The following CTNNA3 variants were observed in gnomAD, a reference collection of about 807,000 sequenced individuals.
The protein encoded by CTNNA3 is catenin alpha-3.
Under a neutral mutation model 95.7 loss-of-function variants are expected in CTNNA3, and 76 were observed. That is an observed-to-expected ratio of 0.79 (90% CI 0.66 to 0.96). The LOEUF (loss-of-function observed/expected upper bound fraction) is 0.96. CTNNA3 is among the 40% of genes least tolerant of loss of function. The pLI, the probability that CTNNA3 is intolerant of heterozygous loss-of-function variation, is 0.00. For missense variants in CTNNA3, 1,191 were observed against 1,089.8 expected, an observed-to-expected ratio of 1.09 and a Z score of -1.31; for synonymous variants, 431 against 374.4, an observed-to-expected ratio of 1.15 and a Z score of -1.74.
intron 2 of CTNNA3, among the ~76,000 whole-genome samples, chr10:67,624,815 T>G (rs533867120): frequency 1.4e-3 from 209 of 152,366 alleles, no homozygotes; most frequent in Non-Finnish European, 2.7e-3. Context: ...AAAATCAGTT[T>G]GTCTCTTTTT....
intron 5 of CTNNA3, among the ~76,000 whole-genome samples, chr10:67,350,564 G>GT (rs1457613778): frequency 1.1e-4 from 13 of 123,364 alleles, no homozygotes; most frequent in Admixed American, 2.5e-4. Context: ...CAAATGGTTA[G>GT]TAAAAAAAAA....
chr10:66,061,786 T>A (rs1375962220), intron 15 of CTNNA3, among the ~76,000 whole-genome samples: 1 of 152,132 alleles, frequency 6.6e-6, no homozygotes, highest in African/African-American at 2.4e-5. Context: ...CAAAATCGAA[T>A]ACAAATTTCA....
chr10:66,312,484 T>C (rs1804040246), intron 12 of CTNNA3, among the ~76,000 whole-genome samples: 1 of 151,938 alleles, frequency 6.6e-6, no homozygotes, highest in Non-Finnish European at 1.5e-5. Context: ...AGGGGGAGTA[T>C]ATATGAAGGC....
intron 11 of CTNNA3, among the ~76,000 whole-genome samples, chr10:66,415,430 G>A (rs1169393492): frequency 6.6e-6 from 1 of 152,064 alleles, no homozygotes; most frequent in Non-Finnish European, 1.5e-5. Flanking sequence ...GGGACCTAGA[G>A]GGTTGTCACA....
At chr10:66,952,121 C>T (rs998175269) in intron 7 of CTNNA3, among the ~76,000 whole-genome samples, 14 of 152,264 alleles carry the variant, frequency 9.2e-5, no homozygotes, top group African/African-American at 3.1e-4. Context: ...TATTTTTAAG[C>T]ATAAGACAGG....
intron 10 of CTNNA3, among the ~76,000 whole-genome samples, chr10:66,546,442 A>T (rs1842037764): frequency 6.6e-6 from 1 of 152,250 alleles, no homozygotes. Flanking sequence ...TTGATTCAGT[A>T]CAACATGGTT....
In CTNNA3 at chr10:67,607,117, C is replaced by T. The variant is rs551968053; in HGVS notation, c.100-68G>A. 1,548 of 1,254,466 alleles carry T rather than the reference C, an allele frequency of 1.2e-3. 3 individuals carry two copies. Among genetic ancestry groups the T allele is most frequent in the Non-Finnish European group, 1.6e-3 (1,439 of 896,976 alleles). The allele number at this position is 1,254,466 out of a possible 1,614,324, so 77.7% of individuals were successfully genotyped here. On this transcript the variant is annotated intron_variant, in intron 2 of 17. Coordinates refer to ENST00000433211, the MANE Select transcript of CTNNA3 (RefSeq NM_013266.4). ...AGGAGAACACAGTCCTGGGATATTA[C>T]AGACCAGAACAAAAGACAGTACAGT...
intron 10 of CTNNA3, among the ~76,000 whole-genome samples, chr10:66,595,189 C>T (rs771923385): frequency 1.6e-4 from 24 of 152,088 alleles, no homozygotes; most frequent in East Asian, 5.8e-4. Flanking sequence ...CAAGAATAGA[C>T]GCATTAAAAA....
At chr10:67,439,969 G>C (rs571388537) in intron 5 of CTNNA3, among the ~76,000 whole-genome samples, 1 of 152,232 alleles carries the variant, frequency 6.6e-6, no homozygotes, top group South Asian at 2.1e-4. Context: ...AACGTAAAGG[G>C]GGCTTTTTCT....
At chr10:66,120,974 G>T (rs542290087) in intron 13 of CTNNA3, among the ~76,000 whole-genome samples, 1 of 152,124 alleles carries the variant, frequency 6.6e-6, no homozygotes, top group Non-Finnish European at 1.5e-5. Flanking sequence ...ACCCAGGTGC[G>T]AAGGCCAATG....
chr10:67,635,465 T>G (rs1462744712), intron 2 of CTNNA3, among the ~76,000 whole-genome samples: 1 of 152,146 alleles, frequency 6.6e-6, no homozygotes, highest in Non-Finnish European at 1.5e-5. Flanking sequence ...AAAAAAATTA[T>G]CCACCATGAT....
At chr10:66,633,291 T>TA (rs534928545) in intron 9 of CTNNA3, among the ~76,000 whole-genome samples, 4 of 151,958 alleles carry the variant, frequency 2.6e-5, no homozygotes, top group East Asian at 1.9e-4. Flanking sequence ...TATGATTCTG[T>TA]AAAAAAAATA....
At chr10:67,563,076 A>G (rs549363524) in intron 3 of CTNNA3, among the ~76,000 whole-genome samples, 2,033 of 152,200 alleles carry the variant, frequency 0.013, 21 homozygotes, top group African/African-American at 0.046. Context: ...AAGGTAATTT[A>G]TAGATTCAAT....
At chr10:66,901,350 C>T (rs558234444) in intron 7 of CTNNA3, among the ~76,000 whole-genome samples, 1 of 152,312 alleles carries the variant, frequency 6.6e-6, no homozygotes, top group Admixed American at 6.5e-5. Flanking sequence ...ACCACCAGGT[C>T]TGCCTTACAA....
chr10:67,227,673 A>C (rs1864989851), intron 5 of CTNNA3, among the ~76,000 whole-genome samples: 1 of 152,218 alleles, frequency 6.6e-6, no homozygotes, highest in Non-Finnish European at 1.5e-5. Flanking sequence ...AATTGATTTA[A>C]ATTATACCTT....
At chr10:66,037,650 C>T (rs1329804734) in intron 15 of CTNNA3, among the ~76,000 whole-genome samples, 3 of 133,012 alleles carry the variant, frequency 2.3e-5, no homozygotes, top group Non-Finnish European at 3.2e-5. Flanking sequence ...GATACATTCT[C>T]ATAGCAAAGT....
chr10:67,264,096 A>T (rs1866722859), intron 5 of CTNNA3, among the ~76,000 whole-genome samples: 1 of 152,178 alleles, frequency 6.6e-6, no homozygotes, highest in Non-Finnish European at 1.5e-5. Flanking sequence ...AAATATCAAA[A>T]ATGAATAATA....
intron 13 of CTNNA3, among the ~76,000 whole-genome samples, chr10:66,177,658 T>C (rs2085788200): frequency 6.6e-6 from 1 of 152,058 alleles, no homozygotes; most frequent in Non-Finnish European, 1.5e-5. Context: ...ATACTAAACA[T>C]ACCAAAACGT....
chr10:66,574,629 T>C (rs1397757225), intron 10 of CTNNA3, among the ~76,000 whole-genome samples: 5 of 152,162 alleles, frequency 3.3e-5, no homozygotes, highest in Admixed American at 3.3e-4. Context: ...GTTGTTTTTT[T>C]TTCCCCTCTT....
Sources: allele counts gnomAD v4.1 joint callset (sites outside exome capture counted in the v4.1 genomes callset), GRCh38; gene constraint gnomAD v4.1.1; transcripts MANE v1.5; gene names NCBI Gene and HGNC (gene_info 2026-07-23, HGNC 2026-07-21).